The following PTPRD variants were observed in gnomAD, a reference collection of about 807,000 sequenced individuals.
PTPRD encodes the protein receptor-type tyrosine-protein phosphatase delta.
In PTPRD, 34 loss-of-function variants were observed where a neutral mutation model predicts 214.5. That is an observed-to-expected ratio of 0.16 (90% CI 0.12 to 0.21). The LOEUF is 0.21. PTPRD is among the 10% of genes least tolerant of loss of function. PTPRD has a pLI of 1.00. For missense variants in PTPRD, 2,545 were observed against 2,398.7 expected, an observed-to-expected ratio of 1.06 and a Z score of -1.27; for synonymous variants, 1,128 against 845.7, an observed-to-expected ratio of 1.33 and a Z score of -5.79.
Position 9,951,699 on chromosome 9 carries a change from G to A in PTPRD, c.-471-13089C>T, listed in dbSNP as rs529417221. On this transcript the variant is annotated intron_variant, in intron 4 of 45. Coordinates refer to ENST00000381196, the MANE Select transcript of PTPRD (RefSeq NM_002839.4). ...CTCTATGCCTTCAGGCAAATAACCA[G>A]GGTGAGGTTTCAGTATACTTTGAAC... 2.0e-5 allele frequency among the ~76,000 whole-genome samples: 3 copies of A among 152,326 alleles called. No individual in the cohort carries two copies. In the East Asian group the frequency reaches 5.8e-4, roughly 29 times the overall value.
intron 2 of PTPRD, among the ~76,000 whole-genome samples, chr9:10,607,588 T>C (rs2079794399): frequency 6.6e-6 from 1 of 151,852 alleles, no homozygotes; most frequent in Non-Finnish European, 1.5e-5. Flanking sequence ...CAGACTTCAG[T>C]GATTTAAAAT....
intron 37 of PTPRD, among the ~76,000 whole-genome samples, chr9:8,376,998 G>A (rs2083441266): frequency 6.6e-6 from 1 of 152,104 alleles, no homozygotes; most frequent in Non-Finnish European, 1.5e-5. Context: ...GTAAAATACA[G>A]AGAGAGGGAT....
At chr9:9,363,702 T>C (rs2056994729) in intron 9 of PTPRD, among the ~76,000 whole-genome samples, 1 of 151,288 alleles carries the variant, frequency 6.6e-6, no homozygotes, top group Non-Finnish European at 1.5e-5. Context: ...CAGCCTTTCC[T>C]ACAGGTGACC....
At chr9:9,891,566 G>A (rs2073343039) in intron 5 of PTPRD, among the ~76,000 whole-genome samples, 1 of 151,990 alleles carries the variant, frequency 6.6e-6, no homozygotes, top group Admixed American at 6.6e-5. Flanking sequence ...AGTACTTTCA[G>A]ATTTAACTAT....
Position 8,969,862 on chromosome 9 carries a change from A to G in PTPRD, c.-104+48835T>C, listed in dbSNP as rs190271286. Reference sequence around the variant, plus strand: ...GACTTTTTATAGAGTTTACATTCTAAAGCAGGAGATAGATATCCAACTACT... The same window carrying G: ...GACTTTTTATAGAGTTTACATTCTAGAGCAGGAGATAGATATCCAACTACT... On this transcript the variant is annotated intron_variant, in intron 11 of 45. Coordinates refer to ENST00000381196, the MANE Select transcript of PTPRD (RefSeq NM_002839.4). Among the ~76,000 whole-genome samples the G allele has an allele frequency of 1.5e-4, 23 of 152,160 alleles. No individual in the cohort carries two copies. In the East Asian group the frequency reaches 4.3e-3, roughly 28 times the overall value.
At chr9:8,887,592 C>T (rs1211580635) in intron 11 of PTPRD, among the ~76,000 whole-genome samples, 3 of 152,154 alleles carry the variant, frequency 2.0e-5, no homozygotes, top group Admixed American at 2.0e-4. Flanking sequence ...TCACATCTCT[C>T]CTGTAGGAGA....
intron 4 of PTPRD, among the ~76,000 whole-genome samples, chr9:10,011,359 C>A (rs1290766938): frequency 1.3e-5 from 2 of 151,812 alleles, no homozygotes; most frequent in Non-Finnish European, 2.9e-5. Context: ...CACTACATAT[C>A]TAAAGAGATA....
intron 11 of PTPRD, among the ~76,000 whole-genome samples, chr9:8,846,857 A>C (rs2097707341): frequency 6.6e-6 from 1 of 152,168 alleles, no homozygotes; most frequent in African/African-American, 2.4e-5. Context: ...TTACAGACAG[A>C]AACAGGGAGC....
intron 5 of PTPRD, among the ~76,000 whole-genome samples, chr9:9,769,622 G>A (rs540549962): frequency 7.0e-4 from 105 of 150,988 alleles, no homozygotes; most frequent in Non-Finnish European, 1.0e-3. Context: ...CACCGTGCCC[G>A]GCCACCAGAA....
At chr9:9,662,578 T>C (rs2096641725) in intron 7 of PTPRD, among the ~76,000 whole-genome samples, 1 of 151,666 alleles carries the variant, frequency 6.6e-6, no homozygotes, top group Non-Finnish European at 1.5e-5. Context: ...GAAATCTGAA[T>C]AGTATCAACA....
chr9:9,053,827 T>A (rs899839090), intron 10 of PTPRD, among the ~76,000 whole-genome samples: 6 of 152,166 alleles, frequency 3.9e-5, no homozygotes, highest in African/African-American at 1.4e-4. Context: ...GTTTAGAAAG[T>A]AATTCTAATG....
chr9:9,561,553 A>G (rs1266833111), intron 8 of PTPRD, among the ~76,000 whole-genome samples: 1 of 152,234 alleles, frequency 6.6e-6, no homozygotes, highest in African/African-American at 2.4e-5. Flanking sequence ...TTCACAAAGA[A>G]CAAGCAAATG....
chr9:10,546,834 T>A (rs192662128), intron 2 of PTPRD, among the ~76,000 whole-genome samples: 1 of 152,088 alleles, frequency 6.6e-6, no homozygotes, highest in African/African-American at 2.4e-5. Flanking sequence ...GATGGATACA[T>A]AGCAAAATAG....
chr9:10,563,200 C>A (rs2064531885), intron 2 of PTPRD, among the ~76,000 whole-genome samples: 1 of 152,132 alleles, frequency 6.6e-6, no homozygotes, highest in African/African-American at 2.4e-5. Flanking sequence ...GGTTTGGTCA[C>A]ATGACTCAAA....
chr9:10,477,741 C>G (rs1185814780), intron 2 of PTPRD, among the ~76,000 whole-genome samples: 1 of 152,074 alleles, frequency 6.6e-6, no homozygotes, highest in Non-Finnish European at 1.5e-5. Flanking sequence ...AAATGCCCAT[C>G]AGTGATACAC....
chr9:8,578,774 A>G (rs1357422966), intron 14 of PTPRD, among the ~76,000 whole-genome samples: 1 of 152,354 alleles, frequency 6.6e-6, no homozygotes, highest in African/African-American at 2.4e-5. Flanking sequence ...GTTATTTAAC[A>G]TATTGACTTA....
chr9:8,888,527 C>G (rs1327399155), intron 11 of PTPRD, among the ~76,000 whole-genome samples: 1 of 152,204 alleles, frequency 6.6e-6, no homozygotes, highest in Non-Finnish European at 1.5e-5. Context: ...AACATTGTCT[C>G]CCTCGTGTGA....
Position 8,625,919 on chromosome 9 carries a change from T to C in PTPRD, c.352+7398A>G, listed in dbSNP as rs77349726. ...TCTTTAACAAAACATATTAAGAATATGGGATGTGTGTCATCATAGTTGTGT... is the reference window on the plus strand; with the variant it reads ...TCTTTAACAAAACATATTAAGAATACGGGATGTGTGTCATCATAGTTGTGT... On this transcript the variant is annotated intron_variant, in intron 14 of 45. Coordinates refer to ENST00000381196, the MANE Select transcript of PTPRD (RefSeq NM_002839.4). Among the ~76,000 whole-genome samples, 212 of 151,624 alleles carry C rather than the reference T, an allele frequency of 1.4e-3. 2 individuals are homozygous for C. The highest frequency in any genetic ancestry group is 4.9e-3 in the African/African-American group (205 of 41,452).
At chr9:8,931,751 C>T (rs188090731) in intron 11 of PTPRD, among the ~76,000 whole-genome samples, 23 of 152,166 alleles carry the variant, frequency 1.5e-4, no homozygotes, top group Admixed American at 3.3e-4. Context: ...ACCAGCTCCT[C>T]TTTGTACCTC....
Sources: allele counts gnomAD v4.1 joint callset (sites outside exome capture counted in the v4.1 genomes callset), GRCh38; gene constraint gnomAD v4.1.1; transcripts MANE v1.5; gene names NCBI Gene and HGNC (gene_info 2026-07-23, HGNC 2026-07-21).